Variants in PRKCA observed in about 807,000 individuals in gnomAD.
PRKCA encodes the protein protein kinase C alpha, also known as protein kinase C alpha type.
PRKCA carries 27 observed loss-of-function variants against 87.0 expected under a neutral mutation model. That is an observed-to-expected ratio of 0.31 (90% CI 0.23 to 0.43). The LOEUF (loss-of-function observed/expected upper bound fraction) is 0.43. Ranked by LOEUF, PRKCA falls within the 20% of genes least tolerant of loss-of-function variation. The pLI, the probability that PRKCA is intolerant of heterozygous loss-of-function variation, is 1.00. For missense variants in PRKCA, 518 were observed against 852.3 expected (o/e 0.61, Z 4.88); for synonymous variants, 329 against 311.1 (o/e 1.06, Z -0.61).
intron 2 of PRKCA, among the ~76,000 whole-genome samples, chr17:66,348,098 C>G (rs1019709427): frequency 6.6e-6 from 1 of 151,712 alleles, no homozygotes; most frequent in Non-Finnish European, 1.5e-5. Context: ...CACGCCACCA[C>G]GCCCGGCTAA....
chr17:66,791,480 C>T (rs557618170), intron 16 of PRKCA, among the ~76,000 whole-genome samples: 8 of 152,140 alleles, frequency 5.3e-5, no homozygotes, highest in Non-Finnish European at 1.0e-4. Context: ...GCAGGGAGAC[C>T]CGTAGACGCT....
intron 2 of PRKCA, among the ~76,000 whole-genome samples, chr17:66,410,458 A>C (rs1016298406): frequency 6.6e-6 from 1 of 152,184 alleles, no homozygotes; most frequent in Non-Finnish European, 1.5e-5. Context: ...CTGCTAAATA[A>C]ACACTTCAAT....
intron 3 of PRKCA, among the ~76,000 whole-genome samples, chr17:66,614,215 C>T (rs2143656653): frequency 6.6e-6 from 1 of 152,194 alleles, no homozygotes; most frequent in South Asian, 2.1e-4. Flanking sequence ...GACACAGAAA[C>T]CTGGCCACTC....
At chr17:66,710,904 A>G (rs1301325102) in intron 8 of PRKCA, among the ~76,000 whole-genome samples, 1 of 152,026 alleles carries the variant, frequency 6.6e-6, no homozygotes, top group Non-Finnish European at 1.5e-5. Flanking sequence ...TTAGCCAGTC[A>G]TGATGGCAGG....
At chr17:66,622,118 G>C (rs1049769393) in intron 3 of PRKCA, among the ~76,000 whole-genome samples, 6 of 152,186 alleles carry the variant, frequency 3.9e-5, no homozygotes, top group African/African-American at 1.4e-4. Flanking sequence ...GAGCCCAGGA[G>C]TTCAAGGTTA....
intron 16 of PRKCA, among the ~76,000 whole-genome samples, chr17:66,799,454 A>ATGG (rs1975819289): frequency 1.1e-3 from 4 of 3,790 alleles, no homozygotes; most frequent in Non-Finnish European, 1.5e-3. Context: ...GGTGGTGGTG[A>ATGG]TGGTGGTGGT....
At chr17:66,493,389 T>C (rs1048358449) in intron 2 of PRKCA, among the ~76,000 whole-genome samples, 2 of 151,908 alleles carry the variant, frequency 1.3e-5, no homozygotes, top group African/African-American at 4.8e-5. Context: ...GCATCAGCTC[T>C]TTACCCTTTC....
intron 5 of PRKCA, among the ~76,000 whole-genome samples, chr17:66,675,659 C>A (rs1240070726): frequency 6.6e-6 from 1 of 152,152 alleles, no homozygotes; most frequent in African/African-American, 2.4e-5. Flanking sequence ...AGCCCAGAGG[C>A]CCAGAGTGTT....
At chr17:66,521,418 C>T (rs1232780216) in intron 3 of PRKCA, among the ~76,000 whole-genome samples, 2 of 152,130 alleles carry the variant, frequency 1.3e-5, no homozygotes, top group Non-Finnish European at 2.9e-5. Flanking sequence ...TCGTGCATGG[C>T]CACAGAGATT....
At chr17:66,547,416 T>C (rs1968178219) in intron 3 of PRKCA, among the ~76,000 whole-genome samples, 1 of 152,054 alleles carries the variant, frequency 6.6e-6, no homozygotes, top group Non-Finnish European at 1.5e-5. Context: ...GATAGGAACC[T>C]TGTGAGAGTC....
intron 3 of PRKCA, among the ~76,000 whole-genome samples, chr17:66,508,887 C>A (rs1401382448): frequency 6.6e-6 from 1 of 152,162 alleles, no homozygotes; most frequent in Non-Finnish European, 1.5e-5. Flanking sequence ...CACTCTCTTG[C>A]TTATCATCTT....
At position 66,525,379 on chromosome 17, in the gene PRKCA, C is replaced by T. The variant is rs1289628169; in HGVS notation, c.288+29096C>T. Among the ~76,000 whole-genome samples the T allele has an allele frequency of 4.6e-5, 7 of 152,172 alleles. No homozygotes were observed. The South Asian group carries it at 1.2e-3, about 27-fold the overall frequency. The stretch of plus-strand genomic sequence containing the variant: ...CTTAATATAGATATTAATATATTTC[C>T]TATTTGTCATGAATGAAATAGGCCC... On this transcript the variant is annotated intron_variant, in intron 3 of 16. Coordinates refer to ENST00000413366, the MANE Select transcript of PRKCA (RefSeq NM_002737.3).
chr17:66,794,946 A>G (rs1310166294), intron 16 of PRKCA, among the ~76,000 whole-genome samples: 1 of 152,130 alleles, frequency 6.6e-6, no homozygotes, highest in African/African-American at 2.4e-5. Context: ...GTCTGTGTGT[A>G]GGTACAGACA....
rs184379109 is a variant in PRKCA, at chr17:66,742,615, C to A, written c.1386-7C>A. ...AAGGACTCTGATGTTAACCCGGTTC[C>A]TTGCAGGGATCTGAAGTTAGATAAC... is the stretch of plus-strand genomic sequence containing the variant. On this transcript the variant is annotated splice_region_variant and splice_polypyrimidine_tract_variant and intron_variant, in intron 12 of 16. Coordinates refer to ENST00000413366, the MANE Select transcript of PRKCA (RefSeq NM_002737.3). 3.8e-5 allele frequency: 62 copies of A among 1,613,736 alleles called. 1 individual carries two copies. Among genetic ancestry groups the A allele is most frequent in the Middle Eastern group, 3.3e-4 (2 of 6,062 alleles).
chr17:66,335,080 TA>T (rs1378907645), intron 2 of PRKCA, among the ~76,000 whole-genome samples: 1 of 152,064 alleles, frequency 6.6e-6, no homozygotes, highest in Non-Finnish European at 1.5e-5. Flanking sequence ...AGACAGAAAG[TA>T]GAATGGTAGT....
intron 5 of PRKCA, among the ~76,000 whole-genome samples, chr17:66,660,151 G>A (rs1219683208): frequency 6.6e-6 from 1 of 151,988 alleles, no homozygotes; most frequent in Non-Finnish European, 1.5e-5. Context: ...TCTGGCTTTT[G>A]GGTACAAAAG....
chr17:66,414,590 T>G (rs546840701), intron 2 of PRKCA, among the ~76,000 whole-genome samples: 16 of 152,310 alleles, frequency 1.1e-4, no homozygotes, highest in African/African-American at 3.1e-4. Flanking sequence ...ATACTTTGCT[T>G]CACATGTGTA....
chr17:66,596,244 CTT>C (rs1163079062), intron 3 of PRKCA, among the ~76,000 whole-genome samples: 8 of 152,154 alleles, frequency 5.3e-5, no homozygotes, highest in Non-Finnish European at 1.0e-4. Context: ...CGCTTTGTAA[CTT>C]TGCTGTTTAT....
intron 2 of PRKCA, among the ~76,000 whole-genome samples, chr17:66,400,546 C>T (rs1232812597): frequency 6.6e-6 from 1 of 152,214 alleles, no homozygotes; most frequent in Non-Finnish European, 1.5e-5. Context: ...TCGTTGCTTC[C>T]ACCTCTTGGC....
Sources: allele counts gnomAD v4.1 joint callset (sites outside exome capture counted in the v4.1 genomes callset), GRCh38; gene constraint gnomAD v4.1.1; transcripts MANE v1.5; gene names NCBI Gene and HGNC (gene_info 2026-07-23, HGNC 2026-07-21).